PLXDC2: variants seen among roughly 807,000 people sequenced by gnomAD.
PLXDC2 encodes plexin domain containing 2.
In PLXDC2, 40 loss-of-function variants were observed where a neutral mutation model predicts 68.9. The observed-to-expected ratio is 0.58, with a 90% CI of 0.45 to 0.76. PLXDC2 has a LOEUF of 0.76. Among genes scored for constraint, PLXDC2 ranks in the 30% least tolerant of loss-of-function variants. The probability of loss-of-function intolerance (pLI) is 0.00; values close to 1 mark genes in which losing one functional copy is unlikely to be tolerated. For synonymous variants in PLXDC2, 243 were observed against 234.2 expected (o/e 1.04, Z -0.34); for missense variants, 644 against 661.9 (o/e 0.97, Z 0.30).
At chr10:20,057,191 C>T (rs959987128) in intron 3 of PLXDC2, among the ~76,000 whole-genome samples, 1 of 151,982 alleles carries the variant, frequency 6.6e-6, no homozygotes, top group Non-Finnish European at 1.5e-5. Flanking sequence ...TTACATGGCT[C>T]CTTTGAAAGA....
At chr10:19,853,413 A>G (rs1372058123) in intron 1 of PLXDC2, among the ~76,000 whole-genome samples, 1 of 151,248 alleles carries the variant, frequency 6.6e-6, no homozygotes, top group Non-Finnish European at 1.5e-5. Flanking sequence ...TTTAATTTTA[A>G]TTTTTATTTA....
chr10:20,271,132 GAC>G lies in PLXDC2; in HGVS notation c.1474-8539_1474-8538del, dbSNP rs55677642. 1.4e-3 allele frequency among the ~76,000 whole-genome samples: 134 copies of G among 97,856 alleles called. 1 individual carries two copies. Among genetic ancestry groups the G allele is most frequent in the African/African-American group, 3.9e-3 (120 of 30,542 alleles). 64.2% of individuals were successfully genotyped at this position (97,856 alleles called of 152,430 possible). A position where few individuals can be genotyped will look rare whatever the true frequency, so the allele number is the denominator to read the frequency against. ...AGGGGACCGTTTAAGACAAAAAACAGACACACACACACACACACACACACACA... is the reference window on the plus strand; with the variant it reads ...AGGGGACCGTTTAAGACAAAAAACAGACACACACACACACACACACACACA... On this transcript the variant is annotated intron_variant, in intron 13 of 13. Coordinates refer to ENST00000377252, the MANE Select transcript of PLXDC2 (RefSeq NM_032812.9).
chr10:20,270,642 T>C (rs910614574), intron 13 of PLXDC2, among the ~76,000 whole-genome samples: 4 of 152,064 alleles, frequency 2.6e-5, no homozygotes, highest in African/African-American at 9.7e-5. Context: ...CCTGCCAGGT[T>C]CAGGTGATTC....
At chr10:20,003,928 C>G (rs966130718) in intron 2 of PLXDC2, among the ~76,000 whole-genome samples, 1 of 152,122 alleles carries the variant, frequency 6.6e-6, no homozygotes, top group African/African-American at 2.4e-5. Flanking sequence ...AGAGTTCTGT[C>G]GTCACGTACG....
chr10:20,217,299 A>T, intron 10 of PLXDC2, 127 bp from the exon 11 acceptor site: 1 of 813,428 alleles, frequency 1.2e-6, no homozygotes, highest in East Asian at 2.8e-5. Context: ...AGTCTTGTAC[A>T]AAAGTAATTT....
intron 1 of PLXDC2, among the ~76,000 whole-genome samples, chr10:19,953,391 G>A (rs1011147605): frequency 6.6e-6 from 1 of 152,186 alleles, no homozygotes; most frequent in Non-Finnish European, 1.5e-5. Context: ...AACACTGGAT[G>A]TATATACCTG....
At chr10:20,169,799 A>C (rs529209847) in intron 7 of PLXDC2, among the ~76,000 whole-genome samples, 8 of 152,206 alleles carry the variant, frequency 5.3e-5, no homozygotes, top group Non-Finnish European at 7.3e-5. Context: ...AGGGCCTTGC[A>C]CTAGAAACCA....
chr10:19,920,032 C>T lies in PLXDC2; in HGVS notation c.113-81743C>T, dbSNP rs568969619. 1.6e-4 allele frequency among the ~76,000 whole-genome samples: 25 copies of T among 152,348 alleles called. No homozygotes were observed. In the East Asian group the frequency reaches 4.8e-3, roughly 29 times the overall value. On this transcript the variant is annotated intron_variant, in intron 1 of 13. Coordinates refer to ENST00000377252, the MANE Select transcript of PLXDC2 (RefSeq NM_032812.9). ...TAATTTTATAACAACAACATTCTCA[C>T]ACAGCAGTCAGTGGCTGGAGGTGGT...
intron 1 of PLXDC2, among the ~76,000 whole-genome samples, chr10:19,923,426 G>T (rs1386581568): frequency 6.6e-6 from 1 of 152,138 alleles, no homozygotes; most frequent in Non-Finnish European, 1.5e-5. Flanking sequence ...TTATGTAAGA[G>T]TAAAAATCAA....
intron 13 of PLXDC2, among the ~76,000 whole-genome samples, chr10:20,270,304 A>G (rs556209715): frequency 9.2e-5 from 14 of 152,288 alleles, no homozygotes; most frequent in Admixed American, 5.2e-4. Context: ...GTTTTCAATC[A>G]GTTATATTCG....
intron 1 of PLXDC2, among the ~76,000 whole-genome samples, chr10:19,896,492 AAATAAGTCCTCAATAAATGCTTGTTATT>A (rs1460497152): frequency 1.3e-5 from 2 of 152,370 alleles, no homozygotes; most frequent in Non-Finnish European, 2.9e-5. Flanking sequence ...TACCAGACAT[AAATAAGTCCTCAATAAATGCTTGTTATT>A]AATAAGTCCT....
intron 6 of PLXDC2, among the ~76,000 whole-genome samples, chr10:20,164,042 AC>A (rs1215125145): frequency 2.6e-5 from 4 of 152,320 alleles, no homozygotes; most frequent in African/African-American, 9.6e-5. Context: ...CTGCTTATAA[AC>A]AAAGATTTTC....
intron 1 of PLXDC2, among the ~76,000 whole-genome samples, chr10:19,981,420 G>T (rs1834547403): frequency 6.6e-6 from 1 of 152,188 alleles, no homozygotes; most frequent in African/African-American, 2.4e-5. Context: ...ACATGCTTTT[G>T]TCTTTCGTCA....
chr10:19,922,716 G>T (rs1833480574), intron 1 of PLXDC2, among the ~76,000 whole-genome samples: 1 of 152,172 alleles, frequency 6.6e-6, no homozygotes, highest in South Asian at 2.1e-4. Context: ...TGATTTCAGT[G>T]GCAAAATCCA....
Position 20,211,716 on chromosome 10 carries a change from G to C in PLXDC2, c.1109G>C (p.Gly370Ala). 6.2e-7 allele frequency: 1 copy of C among 1,613,002 alleles called. No individual in the cohort carries two copies. The highest frequency in any genetic ancestry group is 8.5e-7 in the Non-Finnish European group (1 of 1,179,296). Residue 370 changes from glycine to alanine, a missense_variant, in exon 10 of 14, where the codon GGA becomes GCA. By Grantham distance (60) the Gly-to-Ala change is moderately conservative. Transcript: ENST00000377252. ...CATCGGCAGGACTGGGTGGACAGTG[G>C]ATGCCCTGAAGAGGTACACATGCTT... ...DRHRQDWVDS[G>A]CPEESKEKMC...
chr10:20,192,063 A>T (rs1355052892), intron 9 of PLXDC2, among the ~76,000 whole-genome samples: 2 of 152,060 alleles, frequency 1.3e-5, no homozygotes, highest in African/African-American at 4.8e-5. Flanking sequence ...CTTGTTTTAT[A>T]AATTAAGTAA....
At position 20,164,534 on chromosome 10, in the gene PLXDC2, T is replaced by A. The variant is rs769978437; in HGVS notation, c.850T>A (p.Phe284Ile). Residue 284 changes from phenylalanine to isoleucine, a missense_variant, in exon 7 of 14, where the codon TTT (phenylalanine) becomes ATT (isoleucine). Phe to Ile is a conservative substitution (Grantham distance 21). Around this residue, in one of 3 missense-constraint regions of PLXDC2, gnomAD observed 330 missense variants for 327.9 expected, o/e 1.01. Transcript: ENST00000377252. ...HPVKVGLSDA[F>I]VVVHRIQQIP... The stretch of plus-strand genomic sequence containing the variant: ...AGTGAAAGTCGGACTGTCCGATGCA[T>A]TTGTCGTTGTCCACAGGATCCAACA... The A allele has an allele frequency of 6.2e-7, 1 of 1,613,620 alleles. No individual in the cohort carries two copies. Among genetic ancestry groups the A allele is most frequent in the South Asian group, 1.1e-5 (1 of 91,086 alleles).
intron 4 of PLXDC2, among the ~76,000 whole-genome samples, chr10:20,072,493 G>GAGAAAGAAAGAAAGAA (rs55848042): frequency 0.1 from 8,409 of 80,610 alleles, 786 homozygotes; most frequent in Non-Finnish European, 0.14. Context: ...AAGAAAGAAA[G>GAGAAAGAAAGAAAGAA]AGAAAGAAAG....
chr10:20,046,740 C>T (rs535223676), intron 2 of PLXDC2, 129 bp from the exon 3 acceptor site: 1 of 890,204 alleles, frequency 1.1e-6, no homozygotes, highest in African/African-American at 1.7e-5. Flanking sequence ...TTCACTTCTC[C>T]TAGAGTATAG....
Sources: gnomAD v4.1 joint callset for allele counts (sites outside exome capture counted in the v4.1 genomes callset) on GRCh38, gnomAD v4.1.1 for gene constraint, gnomAD v4.1.1 regional missense constraint, MANE v1.5 for transcripts, NCBI Gene and HGNC (gene_info 2026-07-23, HGNC 2026-07-21) for gene names.